The following COMMD10 variants were observed in gnomAD, a reference collection of about 807,000 sequenced individuals.
The protein encoded by COMMD10 is COMM domain-containing protein 10.
In COMMD10, 33 loss-of-function variants were observed where a neutral mutation model predicts 28.9. That is an observed-to-expected ratio of 1.14 (90% confidence interval 0.87 to 1.53). The LOEUF is 1.53. Among genes scored for constraint, COMMD10 ranks in the 40% most tolerant of loss-of-function variants. COMMD10 has a pLI of 0.00. For synonymous variants in COMMD10, 110 were observed against 81.7 expected, an observed-to-expected ratio of 1.35 and a Z score of -1.87; for missense variants, 310 against 233.4, an observed-to-expected ratio of 1.33 and a Z score of -2.14.
intron 5 of COMMD10, among the ~76,000 whole-genome samples, chr5:116,170,219 G>C (rs887637819): frequency 1.3e-5 from 2 of 152,114 alleles, no homozygotes; most frequent in African/African-American, 2.4e-5. Flanking sequence ...GCCAAATCAT[G>C]AGCAAACTCC....
chr5:116,139,779 T>A (rs532185651), intron 5 of COMMD10, among the ~76,000 whole-genome samples: 15 of 151,856 alleles, frequency 9.9e-5, no homozygotes, highest in African/African-American at 3.4e-4. Flanking sequence ...ATTGTATATA[T>A]TTAAGGTATA....
chr5:116,165,957 C>G (rs1753076985), intron 5 of COMMD10, among the ~76,000 whole-genome samples: 1 of 152,072 alleles, frequency 6.6e-6, no homozygotes, highest in Non-Finnish European at 1.5e-5. Context: ...TCATCTTACC[C>G]TTTTTTAGTC....
intron 5 of COMMD10, among the ~76,000 whole-genome samples, chr5:116,208,002 A>G (rs1204407696): frequency 6.6e-6 from 1 of 152,140 alleles, no homozygotes. Flanking sequence ...AGGTAAGAAC[A>G]TGGGCTCCTG....
chr5:116,187,501 A>G (rs901241002), intron 5 of COMMD10, among the ~76,000 whole-genome samples: 17 of 152,120 alleles, frequency 1.1e-4, no homozygotes, highest in African/African-American at 4.1e-4. Flanking sequence ...ATGTAAAAAA[A>G]AATTCAGCAA....
At chr5:116,192,767 G>T (rs2416436) in intron 5 of COMMD10, among the ~76,000 whole-genome samples, 2 of 151,944 alleles carry the variant, frequency 1.3e-5, no homozygotes, top group African/African-American at 4.8e-5. Flanking sequence ...GGAAAACTTC[G>T]CCAGCCTTGC....
intron 5 of COMMD10, among the ~76,000 whole-genome samples, chr5:116,142,647 ATTAC>A (rs1752229869): frequency 6.6e-6 from 1 of 151,790 alleles, no homozygotes; most frequent in South Asian, 2.1e-4. Context: ...TAGGTAATTA[ATTAC>A]TTTGGATTTT....
chr5:116,237,549 CTA>C (rs1431455342), intron 5 of COMMD10, among the ~76,000 whole-genome samples: 44 of 151,850 alleles, frequency 2.9e-4, no homozygotes, highest in African/African-American at 1.0e-3. Context: ...ATGGCACATG[CTA>C]TATAGTCCAG....
intron 5 of COMMD10, among the ~76,000 whole-genome samples, chr5:116,226,333 T>A (rs1004639922): frequency 6.6e-6 from 1 of 151,896 alleles, no homozygotes; most frequent in Non-Finnish European, 1.5e-5. Context: ...AAACATTCAA[T>A]GAAATTCAAA....
At chr5:116,241,711 C>G (rs1561387794) in intron 5 of COMMD10, among the ~76,000 whole-genome samples, 5 of 152,054 alleles carry the variant, frequency 3.3e-5, no homozygotes, top group Admixed American at 1.3e-4. Context: ...CTCCCGGGTT[C>G]TCGCCATTCT....
At chr5:116,207,069 C>T (rs1221419598) in intron 5 of COMMD10, among the ~76,000 whole-genome samples, 1 of 152,092 alleles carries the variant, frequency 6.6e-6, no homozygotes, top group Non-Finnish European at 1.5e-5. Flanking sequence ...AAGTACTTTT[C>T]ATATGTTTTT....
Position 116,153,563 on chromosome 5 carries a change from T to G in COMMD10, c.510+19385T>G, listed in dbSNP as rs183350301. ...GATAGCATTTATTGACCAATTAATATGTGCCAGGTATTGTTCTGTGGGCTT... is the reference window on the plus strand; with the variant it reads ...GATAGCATTTATTGACCAATTAATAGGTGCCAGGTATTGTTCTGTGGGCTT... On this transcript the variant is annotated intron_variant, in intron 5 of 6. Coordinates refer to ENST00000274458, the MANE Select transcript of COMMD10 (RefSeq NM_016144.4). 2.8e-3 allele frequency among the ~76,000 whole-genome samples: 425 copies of G among 152,252 alleles called. 2 individuals are homozygous for G. The highest frequency in any genetic ancestry group is 9.8e-3 in the African/African-American group (409 of 41,572).
intron 5 of COMMD10, among the ~76,000 whole-genome samples, chr5:116,151,405 TATTG>T (rs1350359763): frequency 6.6e-6 from 1 of 152,100 alleles, no homozygotes; most frequent in Non-Finnish European, 1.5e-5. Flanking sequence ...CCTCTTTTTC[TATTG>T]ATTGGAATAG....
At chr5:116,286,770 G>T (rs1047950177) in intron 5 of COMMD10, among the ~76,000 whole-genome samples, 1 of 151,592 alleles carries the variant, frequency 6.6e-6, no homozygotes, top group African/African-American at 2.4e-5. Context: ...TTGTTTTGTG[G>T]CCCAATGCAT....
At chr5:116,189,749 G>A (rs1748290183) in intron 5 of COMMD10, among the ~76,000 whole-genome samples, 1 of 152,076 alleles carries the variant, frequency 6.6e-6, no homozygotes. Flanking sequence ...TTTAAGTCAT[G>A]ACATCAGAAG....
intron 4 of COMMD10, among the ~76,000 whole-genome samples, chr5:116,101,645 T>C (rs1443257229): frequency 2.6e-5 from 4 of 152,120 alleles, no homozygotes; most frequent in Admixed American, 1.3e-4. Context: ...CAGGCTGGTC[T>C]CGAACTCCTG....
chr5:116,136,999 G>C (rs1752043243), intron 5 of COMMD10, among the ~76,000 whole-genome samples: 1 of 152,030 alleles, frequency 6.6e-6, no homozygotes, highest in Non-Finnish European at 1.5e-5. Context: ...ATGAGGTATA[G>C]AGCTACCATC....
intron 5 of COMMD10, among the ~76,000 whole-genome samples, chr5:116,265,497 C>T (rs147629551): frequency 1.3e-5 from 2 of 151,754 alleles, no homozygotes; most frequent in African/African-American, 4.8e-5. Context: ...TTATTTAAAA[C>T]ATTACATATG....
intron 5 of COMMD10, among the ~76,000 whole-genome samples, chr5:116,287,062 T>C (rs1457220274): frequency 6.6e-6 from 1 of 151,880 alleles, no homozygotes; most frequent in Non-Finnish European, 1.5e-5. Context: ...AACATTGTGA[T>C]AGGTTCTTGG....
intron 4 of COMMD10, among the ~76,000 whole-genome samples, chr5:116,092,920 G>C (rs1367170385): frequency 6.6e-6 from 1 of 152,124 alleles, no homozygotes; most frequent in Non-Finnish European, 1.5e-5. Context: ...AGAATCAGTT[G>C]TTTACCCTTG....
Sources: gnomAD v4.1 joint callset for allele counts (sites outside exome capture counted in the v4.1 genomes callset) on GRCh38, gnomAD v4.1.1 for gene constraint, MANE v1.5 for transcripts, NCBI Gene and HGNC (gene_info 2026-07-23, HGNC 2026-07-21) for gene names.